Variants in DUT observed in about 807,000 individuals in gnomAD.
DUT encodes deoxyuridine 5'-triphosphate nucleotidohydrolase, mitochondrial.
DUT carries 21 observed loss-of-function variants against 28.8 expected under a neutral mutation model. That is an observed-to-expected ratio of 0.73 (90% CI 0.52 to 1.05). The LOEUF (loss-of-function observed/expected upper bound fraction) is 1.05. Ranked by LOEUF, DUT falls within the 50% of genes least tolerant of loss-of-function variation. DUT has a pLI of 0.00. For missense variants in DUT, 344 were observed against 351.8 expected (o/e 0.98, Z 0.18); for synonymous variants, 147 against 143.7 (o/e 1.02, Z -0.17).
chr15:48,342,361 C>A lies in DUT; in HGVS notation c.*283C>A. The A allele has an allele frequency of 5.1e-6, 1 of 195,968 alleles. No individual in the cohort carries two copies. Among genetic ancestry groups the A allele is most frequent in the Non-Finnish European group, 1.0e-5 (1 of 98,284 alleles). The allele number at this position is 195,968 out of a possible 1,614,324, so 12.1% of individuals were successfully genotyped here. A position where few individuals can be genotyped will look rare whatever the true frequency, so the allele number is the denominator to read the frequency against. On this transcript the variant is annotated 3_prime_UTR_variant, in exon 7 of 7. Coordinates refer to ENST00000331200, the MANE Select transcript of DUT (RefSeq NM_001025248.2). ...TGTGGTGACCTGATGTAAACAGTGT[C>A]TTCTTAAAATCAAATGTAAATCAAT...
chr15:48,332,585 G>A (rs992011602), intron 2 of DUT, 179 bp downstream of exon 2: 3 of 710,166 alleles, frequency 4.2e-6, no homozygotes, highest in Non-Finnish European at 7.2e-6. Context: ...TTTGGGCAAA[G>A]ACTGCAGAAT....
intron 4 of DUT, among the ~76,000 whole-genome samples, chr15:48,338,085 G>A (rs528993537): frequency 2.0e-5 from 3 of 151,962 alleles, no homozygotes; most frequent in Non-Finnish European, 4.4e-5. Flanking sequence ...AAATATCCCT[G>A]ATACTTATAT....
At chr15:48,332,503 C>G (rs995709211) in intron 2 of DUT, 97 bp downstream of exon 2, 6 of 1,080,470 alleles carry the variant, frequency 5.6e-6, no homozygotes, top group Non-Finnish European at 7.9e-6. Flanking sequence ...AACACACTAG[C>G]TATAAATAGG....
intron 3 of DUT, among the ~76,000 whole-genome samples, chr15:48,335,747 C>T (rs2042468638): frequency 6.6e-6 from 1 of 152,216 alleles, no homozygotes; most frequent in South Asian, 2.1e-4. Flanking sequence ...CACCTTTCAG[C>T]TCATTCTAGC....
At chr15:48,340,243 G>A (rs1459327780) in intron 4 of DUT, 5 of 152,102 alleles carry the variant, frequency 3.3e-5, no homozygotes, top group Non-Finnish European at 7.4e-5. Flanking sequence ...TTCACAAACT[G>A]AGGAGAAAGA....
At chr15:48,336,440 C>G (rs945807997) in intron 4 of DUT, among the ~76,000 whole-genome samples, 2 of 152,112 alleles carry the variant, frequency 1.3e-5, no homozygotes, top group Non-Finnish European at 1.5e-5. Flanking sequence ...GAAAATCTTT[C>G]CCTGAAGTCA....
rs776311907 is a variant in DUT at position 48,334,413 on chromosome 15, T to G, written c.420-4T>G. 3.9e-6 allele frequency: 6 copies of G among 1,538,142 alleles called. No homozygotes were observed. The highest frequency in any genetic ancestry group is 5.3e-6 in the Non-Finnish European group (6 of 1,134,776). On this transcript the variant is annotated splice_region_variant and splice_polypyrimidine_tract_variant and intron_variant, in intron 2 of 6. Coordinates refer to ENST00000331200, the MANE Select transcript of DUT (RefSeq NM_001025248.2). Reference sequence around the variant, plus strand: ...GCAGTTATTTTCTTTCAATATTTTCTTAGTGCCTATGATTACACAATACCA... The same window carrying G: ...GCAGTTATTTTCTTTCAATATTTTCGTAGTGCCTATGATTACACAATACCA...
At chr15:48,337,972 A>G (rs2042492504) in intron 4 of DUT, among the ~76,000 whole-genome samples, 1 of 152,180 alleles carries the variant, frequency 6.6e-6, no homozygotes, top group South Asian at 2.1e-4. Flanking sequence ...CAAACTCTTG[A>G]CACAGTAAAA....
chr15:48,336,462 A>G (rs2042476633), intron 4 of DUT, among the ~76,000 whole-genome samples: 2 of 152,168 alleles, frequency 1.3e-5, no homozygotes, highest in Non-Finnish European at 2.9e-5. Context: ...GAGAGAAAAC[A>G]CTTTTCTCTA....
chr15:48,334,573 T>G, intron 3 of DUT, 65 bp downstream of exon 3: 1 of 1,248,950 alleles, frequency 8.0e-7, no homozygotes, highest in South Asian at 1.3e-5. Context: ...TCTTCATGTT[T>G]CATTTGGGGT....
At chr15:48,334,952 G>C (rs903485209) in intron 3 of DUT, among the ~76,000 whole-genome samples, 6 of 152,214 alleles carry the variant, frequency 3.9e-5, no homozygotes, top group African/African-American at 1.2e-4. Context: ...GAGCGGATCA[G>C]TTGTTACCAG....
chr15:48,336,022 A>G (rs1369823983), intron 3 of DUT, 24 bp from the exon 4 acceptor site: 10 of 1,601,318 alleles, frequency 6.2e-6, no homozygotes, highest in Admixed American at 1.8e-5. Context: ...TAAAATAACC[A>G]ATGTCTCCTT....
chr15:48,333,304 A>T (rs1566872239), intron 2 of DUT, among the ~76,000 whole-genome samples: 1 of 152,216 alleles, frequency 6.6e-6, no homozygotes, highest in South Asian at 2.1e-4. Flanking sequence ...AGGTATGGAC[A>T]ATTGTAGCTG....
chr15:48,340,830 T>C (rs1185069994), intron 4 of DUT, among the ~76,000 whole-genome samples: 2 of 152,208 alleles, frequency 1.3e-5, no homozygotes, highest in Non-Finnish European at 2.9e-5. Context: ...TGCTTAACAA[T>C]GTCAGCGTTG....
At position 48,342,946 on chromosome 15, in the gene DUT, T is replaced by G. The variant is rs1373605443; in HGVS notation, c.*868T>G. The G allele has an allele frequency of 1.3e-5, 2 of 152,252 alleles. No homozygotes were observed. Among genetic ancestry groups the G allele is most frequent in the Non-Finnish European group, 2.9e-5 (2 of 68,052 alleles). 9.4% of individuals were successfully genotyped at this position (152,252 alleles called of 1,614,324 possible). On this transcript the variant is annotated 3_prime_UTR_variant, in exon 7 of 7. Coordinates refer to ENST00000331200, the MANE Select transcript of DUT (RefSeq NM_001025248.2). ...CATAAGCAGCATTTCATTGCAGATATGGGACTGATTCTGTGGCTTACCTTG... is the reference window on the plus strand; with the variant it reads ...CATAAGCAGCATTTCATTGCAGATAGGGGACTGATTCTGTGGCTTACCTTG...
upstream of DUT, chr15:48,331,268 C>A: frequency 6.9e-7 from 1 of 1,458,270 alleles, no homozygotes; most frequent in Non-Finnish European, 9.0e-7. Context: ...ACAAGAAGAG[C>A]GAAAGCAAGA....
At chr15:48,338,985 A>G (rs1252714300) in intron 4 of DUT, among the ~76,000 whole-genome samples, 2 of 152,114 alleles carry the variant, frequency 1.3e-5, no homozygotes, top group Non-Finnish European at 2.9e-5. Flanking sequence ...AGAAATACAA[A>G]AATTAGCCAG....
intron 1 of DUT, 111 bp from the exon 2 acceptor site, chr15:48,332,157 G>C (rs1364783822): frequency 7.0e-7 from 1 of 1,433,074 alleles, no homozygotes; most frequent in Non-Finnish European, 9.1e-7. Flanking sequence ...CGGGGCTGGC[G>C]GGAAATTTCG....
intron 2 of DUT, among the ~76,000 whole-genome samples, chr15:48,333,515 T>C (rs542772660): frequency 1.3e-5 from 2 of 152,152 alleles, no homozygotes; most frequent in Admixed American, 6.5e-5. Flanking sequence ...AGCAATAAAT[T>C]AGGGCTTAAC....
Sources: allele counts gnomAD v4.1 joint callset (sites outside exome capture counted in the v4.1 genomes callset), GRCh38; gene constraint gnomAD v4.1.1; transcripts MANE v1.5; gene names NCBI Gene and HGNC (gene_info 2026-07-23, HGNC 2026-07-21).